BBS9: variants seen among roughly 807,000 people sequenced by gnomAD.
BBS9 encodes the protein protein PTHB1.
In BBS9, 89 loss-of-function variants were observed where a neutral mutation model predicts 117.7. The observed-to-expected ratio is 0.76, with a 90% confidence interval of 0.64 to 0.90. BBS9 has a LOEUF of 0.90. BBS9 is among the 40% of genes least tolerant of loss of function. The pLI is 0.00. For synonymous variants in BBS9, 379 were observed against 370.9 expected, an observed-to-expected ratio of 1.02 and a Z score of -0.25; for missense variants, 982 against 1,042.2, an observed-to-expected ratio of 0.94 and a Z score of 0.80.
intron 9 of BBS9, among the ~76,000 whole-genome samples, chr7:33,305,005 G>A (rs527738166): frequency 4.7e-4 from 72 of 152,126 alleles, no homozygotes; most frequent in African/African-American, 1.5e-3. Flanking sequence ...GTGGAAGGCC[G>A]CAGGGAACTC....
chr7:33,397,544 A>T (rs761491770), intron 19 of BBS9, among the ~76,000 whole-genome samples: 1 of 152,198 alleles, frequency 6.6e-6, no homozygotes, highest in African/African-American at 2.4e-5. Flanking sequence ...ACAGTTCACA[A>T]TAGCAAAAAC....
intron 21 of BBS9, among the ~76,000 whole-genome samples, chr7:33,614,006 G>C (rs75554572): frequency 0.05 from 7,604 of 152,126 alleles, 241 homozygotes; most frequent in Non-Finnish European, 0.071. Context: ...ACAACTAAAT[G>C]CTGGGAAAAT....
At chr7:33,576,532 T>C (rs1479258206) in intron 21 of BBS9, among the ~76,000 whole-genome samples, 1 of 152,170 alleles carries the variant, frequency 6.6e-6, no homozygotes, top group Admixed American at 6.5e-5. Context: ...CCAATGACTT[T>C]CTTCACAGAA....
At chr7:33,428,653 C>G (rs1399018815) in intron 19 of BBS9, among the ~76,000 whole-genome samples, 1 of 152,168 alleles carries the variant, frequency 6.6e-6, no homozygotes. Flanking sequence ...ATCTTGTCCT[C>G]CTGATGTCAA....
At chr7:33,326,380 A>G (rs1444593403) in intron 9 of BBS9, among the ~76,000 whole-genome samples, 1 of 152,130 alleles carries the variant, frequency 6.6e-6, no homozygotes, top group Non-Finnish European at 1.5e-5. Context: ...AGGCTTGAGC[A>G]GTGGGTTCCC....
intron 21 of BBS9, among the ~76,000 whole-genome samples, chr7:33,550,270 A>G (rs1854180378): frequency 6.6e-6 from 1 of 152,192 alleles, no homozygotes; most frequent in African/African-American, 2.4e-5. Flanking sequence ...GAATATTATT[A>G]AAGTTTTATT....
At chr7:33,524,857 A>G (rs1849230216) in intron 20 of BBS9, among the ~76,000 whole-genome samples, 1 of 151,894 alleles carries the variant, frequency 6.6e-6, no homozygotes, top group South Asian at 2.1e-4. Context: ...TCAATTTTGG[A>G]TCTTTCCTGC....
chr7:33,170,161 T>G (rs1796319180), intron 4 of BBS9, among the ~76,000 whole-genome samples: 1 of 151,508 alleles, frequency 6.6e-6, no homozygotes, highest in Admixed American at 6.6e-5. Context: ...AAAGAGAATT[T>G]TAGACCAATA....
chr7:33,225,978 G>A (rs1242760364), intron 5 of BBS9, among the ~76,000 whole-genome samples: 1 of 152,092 alleles, frequency 6.6e-6, no homozygotes, highest in Non-Finnish European at 1.5e-5. Flanking sequence ...TATATTTGCT[G>A]GAAGATGTTT....
intron 1 of BBS9, among the ~76,000 whole-genome samples, chr7:33,133,797 C>G (rs1325806655): frequency 6.6e-6 from 1 of 152,138 alleles, no homozygotes; most frequent in East Asian, 1.9e-4. Context: ...CATATGTTTT[C>G]ATTGCCCTTG....
chr7:33,236,585 T>C (rs967796813), intron 5 of BBS9, among the ~76,000 whole-genome samples: 18 of 151,920 alleles, frequency 1.2e-4, no homozygotes, highest in African/African-American at 4.3e-4. Flanking sequence ...AATACATAAT[T>C]TATAAATATT....
intron 5 of BBS9, among the ~76,000 whole-genome samples, chr7:33,227,945 CAT>C (rs934034013): frequency 1.3e-5 from 2 of 152,084 alleles, no homozygotes; most frequent in African/African-American, 2.4e-5. Flanking sequence ...CATGTGTGCA[CAT>C]GTGTCTTTTT....
rs755181592 is a variant in BBS9 at position 33,367,874 on chromosome 7, C to A, written c.1789+12C>A. 3.1e-6 allele frequency: 5 copies of A among 1,609,150 alleles called. No individual in the cohort carries two copies. The East Asian group carries it at 1.1e-4, about 36-fold the overall frequency. ...TTCCAAAACTTCTCGTAAGTAAAAC[C>A]ATGTTATCATTGCTTTTTAAATTTT... On this transcript the variant is annotated intron_variant, in intron 17 of 22. Transcript: ENST00000242067.
intron 18 of BBS9, among the ~76,000 whole-genome samples, chr7:33,385,987 G>A (rs549843255): frequency 4.6e-5 from 7 of 152,096 alleles, no homozygotes; most frequent in East Asian, 1.9e-4. Flanking sequence ...GTTGTGGGGT[G>A]GGGGGAGCGG....
chr7:33,467,749 T>A (rs1419916), intron 19 of BBS9, among the ~76,000 whole-genome samples: 3 of 152,124 alleles, frequency 2.0e-5, no homozygotes, highest in East Asian at 3.9e-4. Flanking sequence ...TGAAAGATAA[T>A]AAATGATATG....
intron 17 of BBS9, 146 bp downstream of exon 17, chr7:33,368,008 T>A (rs1196014291): frequency 4.1e-6 from 3 of 727,858 alleles, no homozygotes; most frequent in Non-Finnish European, 7.3e-6. Context: ...GTAGATAGGA[T>A]GTGAAAGTTA....
chr7:33,280,915 T>G (rs1323053363), intron 9 of BBS9, among the ~76,000 whole-genome samples: 1 of 146,400 alleles, frequency 6.8e-6, no homozygotes, highest in Non-Finnish European at 1.5e-5. Context: ...GTTTTTGTTT[T>G]TTTTTTTTTT....
chr7:33,633,815 A>G (rs1245141741), intron 21 of BBS9, among the ~76,000 whole-genome samples: 3 of 152,108 alleles, frequency 2.0e-5, no homozygotes, highest in Non-Finnish European at 4.4e-5. Context: ...CTTTTTGCCT[A>G]CAGCCTACCT....
At chr7:33,472,193 T>C (rs1841135978) in intron 19 of BBS9, among the ~76,000 whole-genome samples, 3 of 152,194 alleles carry the variant, frequency 2.0e-5, no homozygotes, top group African/African-American at 4.8e-5. Flanking sequence ...TTTTTATTTC[T>C]TCAGAGGCAA....
Sources: allele counts gnomAD v4.1 joint callset (sites outside exome capture counted in the v4.1 genomes callset), GRCh38; gene constraint gnomAD v4.1.1; transcripts MANE v1.5; gene names NCBI Gene and HGNC (gene_info 2026-07-23, HGNC 2026-07-21).